Variants in KCTD8 observed in about 807,000 individuals in gnomAD.
The protein encoded by KCTD8 is potassium channel tetramerization domain containing 8.
A neutral mutation model predicts 31.5 loss-of-function variants in KCTD8; 27 were observed. That is an observed-to-expected ratio of 0.86 (90% confidence interval 0.63 to 1.18). KCTD8 has a LOEUF of 1.18. KCTD8 is among the 50% of genes most tolerant of loss of function. The pLI, the probability that KCTD8 is intolerant of heterozygous loss-of-function variation, is 0.00. For missense variants in KCTD8, 658 were observed against 647.7 expected (o/e 1.02, Z -0.17); for synonymous variants, 290 against 280.0 (o/e 1.04, Z -0.36).
chr4:44,194,796 C>CCTCT (rs1268903680), intron 1 of KCTD8, among the ~76,000 whole-genome samples: 4 of 86,142 alleles, frequency 4.6e-5, no homozygotes, highest in Non-Finnish European at 6.9e-5. Context: ...TCCCTCCCTC[C>CCTCT]CTCCCTCCCT....
At chr4:44,306,235 GATAA>G (rs1717800429) in intron 1 of KCTD8, among the ~76,000 whole-genome samples, 1 of 151,966 alleles carries the variant, frequency 6.6e-6, no homozygotes, top group Non-Finnish European at 1.5e-5. Context: ...GTTAAAAAGA[GATAA>G]ATAAATTGAT....
intron 1 of KCTD8, among the ~76,000 whole-genome samples, chr4:44,414,199 GAA>G (rs60610727): frequency 2.8e-5 from 4 of 142,962 alleles, no homozygotes; most frequent in African/African-American, 1.0e-4. Flanking sequence ...ACAGAGTCCT[GAA>G]AAAAAAAAAG....
At chr4:44,397,907 T>A (rs550944109) in intron 1 of KCTD8, among the ~76,000 whole-genome samples, 5 of 152,142 alleles carry the variant, frequency 3.3e-5, no homozygotes, top group South Asian at 2.1e-4. Context: ...TACAAAGCAG[T>A]TGTAGCACAA....
chr4:44,304,558 T>C (rs879569098), intron 1 of KCTD8, among the ~76,000 whole-genome samples: 9 of 152,134 alleles, frequency 5.9e-5, no homozygotes, highest in Non-Finnish European at 8.8e-5. Context: ...TTAAAAGTAA[T>C]ATAATGCCAT....
chr4:44,325,114 C>T (rs921741178), intron 1 of KCTD8, among the ~76,000 whole-genome samples: 3 of 151,988 alleles, frequency 2.0e-5, no homozygotes, highest in African/African-American at 7.3e-5. Context: ...GGTAAAATAA[C>T]TTTAAATGCA....
At chr4:44,432,530 TC>T (rs1309208141) in intron 1 of KCTD8, among the ~76,000 whole-genome samples, 1 of 151,672 alleles carries the variant, frequency 6.6e-6, no homozygotes, top group East Asian at 1.9e-4. Context: ...TTTACCAGCA[TC>T]CCAGGTGATA....
chr4:44,336,968 T>A (rs1718766485), intron 1 of KCTD8, among the ~76,000 whole-genome samples: 1 of 151,924 alleles, frequency 6.6e-6, no homozygotes, highest in Admixed American at 6.6e-5. Context: ...TGGAAAAAAA[T>A]TAAATAAAAT....
At chr4:44,285,750 T>C (rs1409222122) in intron 1 of KCTD8, among the ~76,000 whole-genome samples, 1 of 151,990 alleles carries the variant, frequency 6.6e-6, no homozygotes, top group African/African-American at 2.4e-5. Context: ...GATCAAGGAG[T>C]AATTCTGATT....
chr4:44,258,427 G>C (rs762017509), intron 1 of KCTD8, among the ~76,000 whole-genome samples: 2 of 151,890 alleles, frequency 1.3e-5, no homozygotes, highest in Non-Finnish European at 2.9e-5. Context: ...TGCTAGAAAA[G>C]AGTTTAACTA....
intron 1 of KCTD8, among the ~76,000 whole-genome samples, chr4:44,242,395 GGT>G (rs1222964671): frequency 1.3e-5 from 2 of 152,018 alleles, no homozygotes; most frequent in African/African-American, 4.8e-5. Context: ...TGGCTAACAC[GGT>G]GAAATCCCGT....
At chr4:44,193,488 T>A (rs1354259901) in intron 1 of KCTD8, among the ~76,000 whole-genome samples, 1 of 152,190 alleles carries the variant, frequency 6.6e-6, no homozygotes, top group Non-Finnish European at 1.5e-5. Flanking sequence ...AAGTTAGAGA[T>A]ATAATTACTC....
intron 1 of KCTD8, among the ~76,000 whole-genome samples, chr4:44,256,187 G>A (rs375343188): frequency 7.9e-5 from 12 of 151,976 alleles, no homozygotes; most frequent in Admixed American, 2.6e-4. Flanking sequence ...TCCCTCCCAC[G>A]ACGTGAGAAT....
intron 1 of KCTD8, among the ~76,000 whole-genome samples, chr4:44,184,289 A>G (rs1713515867): frequency 6.6e-6 from 1 of 152,216 alleles, no homozygotes; most frequent in African/African-American, 2.4e-5. Context: ...TACAGGTCAT[A>G]GAGGAGACGT....
chr4:44,233,950 CT>C (rs1715199679), intron 1 of KCTD8, among the ~76,000 whole-genome samples: 1 of 152,068 alleles, frequency 6.6e-6, no homozygotes, highest in South Asian at 2.1e-4. Context: ...GAAAAAACTG[CT>C]TAGCTCTGTG....
At chr4:44,340,424 G>A (rs979446145) in intron 1 of KCTD8, among the ~76,000 whole-genome samples, 1 of 150,582 alleles carries the variant, frequency 6.6e-6, no homozygotes, top group Admixed American at 6.6e-5. Context: ...TCAGTCTCCC[G>A]AGTAGCTGGG....
intron 1 of KCTD8, among the ~76,000 whole-genome samples, chr4:44,408,594 T>C (rs533764529): frequency 4.6e-5 from 7 of 152,284 alleles, no homozygotes; most frequent in African/African-American, 1.4e-4. Context: ...AATAGATAAT[T>C]TGTAATCACT....
chr4:44,232,494 A>C (rs1247112658), intron 1 of KCTD8, among the ~76,000 whole-genome samples: 1 of 152,140 alleles, frequency 6.6e-6, no homozygotes, highest in Admixed American at 6.5e-5. Context: ...AGGGCTATAC[A>C]AGTCATTAGA....
At chr4:44,319,185 G>A (rs1196697547) in intron 1 of KCTD8, among the ~76,000 whole-genome samples, 1 of 152,182 alleles carries the variant, frequency 6.6e-6, no homozygotes, top group Admixed American at 6.5e-5. Context: ...GGATAATACT[G>A]AAGTACTGGT....
At chr4:44,328,081 T>C (rs1353501673) in intron 1 of KCTD8, among the ~76,000 whole-genome samples, 8 of 151,846 alleles carry the variant, frequency 5.3e-5, no homozygotes, top group Admixed American at 2.6e-4. Flanking sequence ...GATATATAGA[T>C]CCAAGTACAA....
Sources: gnomAD v4.1 joint callset for allele counts (sites outside exome capture counted in the v4.1 genomes callset) on GRCh38, gnomAD v4.1.1 for gene constraint, MANE v1.5 for transcripts, NCBI Gene and HGNC (gene_info 2026-07-23, HGNC 2026-07-21) for gene names.